TNS3: variants seen among roughly 807,000 people sequenced by gnomAD.
The protein encoded by TNS3 is tensin-3.
TNS3 carries 45 observed loss-of-function variants against 140.9 expected under a neutral mutation model. That is an observed-to-expected ratio of 0.32 (90% CI 0.25 to 0.41). TNS3 has a LOEUF of 0.41. Among genes scored for constraint, TNS3 ranks in the 10% least tolerant of loss-of-function variants. TNS3 has a pLI of 1.00. For missense variants in TNS3, 1,716 were observed against 1,906.7 expected (o/e 0.90, Z 1.86); for synonymous variants, 815 against 788.4 (o/e 1.03, Z -0.56).
At chr7:47,567,511 C>T (rs567018130) in intron 1 of TNS3, among the ~76,000 whole-genome samples, 4 of 152,012 alleles carry the variant, frequency 2.6e-5, no homozygotes, top group South Asian at 2.1e-4. Context: ...GGTGAAACCC[C>T]GTCTCTACTA....
At position 47,379,314 on chromosome 7, in the gene TNS3, G is replaced by A. The variant is rs77127380; in HGVS notation, c.1025-9693C>T. ...CATAGCATATGCAAAAATCACTCTC[G>A]TTTTTTCCATGTGGACATTTATAAT... On this transcript the variant is annotated intron_variant, in intron 16 of 30. Transcript: ENST00000311160. 1.7e-3 allele frequency among the ~76,000 whole-genome samples: 253 copies of A among 152,282 alleles called. 1 individual carries two copies. The highest frequency in any genetic ancestry group is 5.9e-3 in the African/African-American group (244 of 41,564).
chr7:47,319,507 G>A (rs1787605943), intron 20 of TNS3, among the ~76,000 whole-genome samples: 1 of 152,134 alleles, frequency 6.6e-6, no homozygotes, highest in Admixed American at 6.5e-5. Context: ...TCGTTACCAT[G>A]AGGACAGCAC....
chr7:47,354,198 C>T (rs1789852060), intron 17 of TNS3, among the ~76,000 whole-genome samples: 1 of 152,054 alleles, frequency 6.6e-6, no homozygotes, highest in African/African-American at 2.4e-5. Context: ...AAGTCAAATC[C>T]AGGAAAAGAG....
chr7:47,528,358 C>G (rs2151937905), intron 2 of TNS3, among the ~76,000 whole-genome samples: 1 of 152,302 alleles, frequency 6.6e-6, no homozygotes, highest in African/African-American at 2.4e-5. Context: ...GGCTGAGACT[C>G]TGCACATTTT....
intron 1 of TNS3, among the ~76,000 whole-genome samples, chr7:47,547,353 G>A (rs1347480279): frequency 6.6e-6 from 1 of 152,192 alleles, no homozygotes; most frequent in Non-Finnish European, 1.5e-5. Flanking sequence ...TGGGTGGGAC[G>A]TGAAGGAGTA....
chr7:47,391,201 G>T (rs1213104239), intron 16 of TNS3, among the ~76,000 whole-genome samples: 1 of 152,188 alleles, frequency 6.6e-6, no homozygotes, highest in Non-Finnish European at 1.5e-5. Flanking sequence ...TCCTCTTCGT[G>T]AATCTCCTTG....
At chr7:47,468,816 C>T (rs77051576) in intron 4 of TNS3, among the ~76,000 whole-genome samples, 1 of 152,272 alleles carries the variant, frequency 6.6e-6, no homozygotes, top group East Asian at 1.9e-4. Context: ...AAGCCAAAGG[C>T]ATCACATTAT....
chr7:47,299,541 T>C (rs980449742), intron 23 of TNS3, among the ~76,000 whole-genome samples: 1 of 152,184 alleles, frequency 6.6e-6, no homozygotes, highest in Non-Finnish European at 1.5e-5. Flanking sequence ...TGGTTCTACT[T>C]CTCTGTGGTA....
chr7:47,460,569 G>A (rs555604108), intron 4 of TNS3, among the ~76,000 whole-genome samples: 2 of 152,318 alleles, frequency 1.3e-5, no homozygotes, highest in South Asian at 2.1e-4. Context: ...CTCACCTGCC[G>A]CCCTGCGCTC....
chr7:47,411,296 T>A (rs757905146), intron 13 of TNS3, among the ~76,000 whole-genome samples: 1 of 152,236 alleles, frequency 6.6e-6, no homozygotes, highest in Admixed American at 6.5e-5. Context: ...GTCACCAATC[T>A]TTTTGGCACC....
At chr7:47,494,197 C>T (rs904138826) in intron 3 of TNS3, among the ~76,000 whole-genome samples, 5 of 152,164 alleles carry the variant, frequency 3.3e-5, no homozygotes, top group South Asian at 4.1e-4. Flanking sequence ...ACTCACAAGC[C>T]GTGCCTCTGA....
chr7:47,497,012 CG>C (rs1164478089), intron 3 of TNS3, among the ~76,000 whole-genome samples: 2 of 151,404 alleles, frequency 1.3e-5, no homozygotes, highest in Non-Finnish European at 1.5e-5. Flanking sequence ...ATTAAGCCCA[CG>C]GCTCTGCCAT....
chr7:47,298,276 T>C (rs979856932), intron 23 of TNS3, among the ~76,000 whole-genome samples: 1 of 152,204 alleles, frequency 6.6e-6, no homozygotes, highest in African/African-American at 2.4e-5. Context: ...TGAGGACACA[T>C]TCCCCATGTG....
chr7:47,520,259 G>C (rs1584804483), intron 2 of TNS3, among the ~76,000 whole-genome samples: 1 of 152,060 alleles, frequency 6.6e-6, no homozygotes, highest in Non-Finnish European at 1.5e-5. Context: ...ACTTGGCCTT[G>C]CCCCCCTGCC....
intron 27 of TNS3, among the ~76,000 whole-genome samples, chr7:47,286,293 G>A (rs187747726): frequency 4.6e-5 from 7 of 152,246 alleles, no homozygotes; most frequent in Admixed American, 4.6e-4. Flanking sequence ...CTGCTGTTTG[G>A]GGAATCTCTC....
rs1216035733 is a variant in TNS3 at position 47,407,776 on chromosome 7, C to T, written c.723+3951G>A. On this transcript the variant is annotated intron_variant, in intron 13 of 30. Coordinates refer to ENST00000311160, the MANE Select transcript of TNS3 (RefSeq NM_022748.12). The surrounding 1 kb of genome is among the most constrained non-coding windows in gnomAD (Gnocchi z 4.1). ...GAGGACATAGACACACAGAGGGAAG[C>T]CCAGGTGAGGACACAGGGAGAAGAC... is the stretch of plus-strand genomic sequence containing the variant. Among the ~76,000 whole-genome samples, 1 of 152,074 alleles carries T rather than the reference C, an allele frequency of 6.6e-6. No individual in the cohort carries two copies. Among genetic ancestry groups the T allele is most frequent in the Non-Finnish European group, 1.5e-5 (1 of 68,010 alleles).
intron 20 of TNS3, among the ~76,000 whole-genome samples, chr7:47,335,403 C>A (rs1290020831): frequency 6.6e-6 from 1 of 152,222 alleles, no homozygotes; most frequent in African/African-American, 2.4e-5. Flanking sequence ...TAAATGACAA[C>A]ACATCCCTAG....
chr7:47,346,348 C>T lies in TNS3; in HGVS notation c.2290G>A (p.Ala764Thr). ...AGTCTCCCGCCCAGGGGCTGTTCAG[C>T]AGAGGAGCCTGTTAAAAGGGAGACA... ...SRATGRQGSS[A>T]EQPLGGRLRK... is the part of the protein sequence containing the mutation. The change falls in exon 18 of 31, where the codon GCT becomes ACT. Residue 764 changes from alanine (A) to threonine (T), a missense_variant. Ala to Thr is a moderately conservative substitution (Grantham distance 58). Transcript: ENST00000311160. 6.2e-7 allele frequency: 1 copy of T among 1,614,080 alleles called. No individual in the cohort carries two copies. The highest frequency in any genetic ancestry group is 1.3e-5 in the African/African-American group (1 of 75,050).
intron 21 of TNS3, among the ~76,000 whole-genome samples, chr7:47,304,540 C>G (rs985465431): frequency 6.6e-6 from 1 of 152,166 alleles, no homozygotes; most frequent in Non-Finnish European, 1.5e-5. Context: ...AATACCCACC[C>G]TCTCCCACCC....
Sources: gnomAD v4.1 joint callset for allele counts (sites outside exome capture counted in the v4.1 genomes callset) on GRCh38, gnomAD v4.1.1 for gene constraint, Gnocchi (gnomAD v3.1) non-coding constraint, MANE v1.5 for transcripts, NCBI Gene and HGNC (gene_info 2026-07-23, HGNC 2026-07-21) for gene names.